The following CPLANE1 variants were observed in gnomAD, a reference collection of about 807,000 sequenced individuals.
CPLANE1 encodes the protein ciliogenesis and planar polarity effector 1.
In CPLANE1, 263 loss-of-function variants were observed where a neutral mutation model predicts 362.5. The ratio of observed to expected loss-of-function variants is 0.73; its 90% CI spans 0.66 to 0.80. The LOEUF (loss-of-function observed/expected upper bound fraction) is 0.80, where lower values mean the gene tolerates loss of function less well. Ranked by LOEUF, CPLANE1 falls within the 30% of genes least tolerant of loss-of-function variation. The probability of loss-of-function intolerance (pLI) is 0.00; values close to 1 mark genes in which losing one functional copy is unlikely to be tolerated. For missense variants in CPLANE1, 3,461 were observed against 3,793.4 expected, an observed-to-expected ratio of 0.91 and a Z score of 2.30; for synonymous variants, 1,212 against 1,302.6, an observed-to-expected ratio of 0.93 and a Z score of 1.50.
rs1770044163 is a variant in CPLANE1, at chr5:37,142,418, C to G, written c.8524G>C (p.Glu2842Gln). The change falls in exon 44 of 53, where the codon GAA (glutamate) becomes CAA (glutamine). Residue 2842 changes from glutamate to glutamine, a missense_variant. Glu to Gln is a conservative substitution (Grantham distance 29). Around this residue, in one of 2 missense-constraint regions of CPLANE1, gnomAD observed 3,380 missense variants for 3,666.1 expected, o/e 0.92. Transcript: ENST00000651892. ...GAATAATTTTCTGTTATTGAAAATT[C>G]AGGTTCTGAAGTCTCCTTTTTGTCA... ...QSDKKETSEPEFSITENYSGQ... is the reference protein window; with the variant it reads ...QSDKKETSEPQFSITENYSGQ... The G allele has an allele frequency of 6.2e-7, 1 of 1,609,998 alleles. No homozygotes were observed. The highest frequency in any genetic ancestry group is 1.3e-5 in the African/African-American group (1 of 74,604).
At chr5:37,179,008 G>A (rs1781984197) in intron 29 of CPLANE1, among the ~76,000 whole-genome samples, 2 of 152,086 alleles carry the variant, frequency 1.3e-5, no homozygotes, top group Admixed American at 6.6e-5. Context: ...CAATCCTCCC[G>A]CCTCAGCCTC....
chr5:37,116,379 C>T (rs1290345015), intron 50 of CPLANE1, among the ~76,000 whole-genome samples: 4 of 150,304 alleles, frequency 2.7e-5, no homozygotes, highest in African/African-American at 7.4e-5. Flanking sequence ...CCCGTTACTC[C>T]GAAGGCTGAG....
chr5:37,190,953 A>G (rs1785371306), intron 21 of CPLANE1, among the ~76,000 whole-genome samples: 1 of 152,214 alleles, frequency 6.6e-6, no homozygotes, highest in Non-Finnish European at 1.5e-5. Flanking sequence ...TATGCTTTTT[A>G]TCGTTATTTT....
chr5:37,140,355 A>G (rs1769298496), intron 44 of CPLANE1: 1 of 980,716 alleles, frequency 1.0e-6, no homozygotes, highest in Non-Finnish European at 1.2e-6. Flanking sequence ...ATATTGTTCT[A>G]TTTAATTTAT....
chr5:37,116,580 C>A (rs1233523464), intron 50 of CPLANE1, among the ~76,000 whole-genome samples: 1 of 148,634 alleles, frequency 6.7e-6, no homozygotes, highest in African/African-American at 2.5e-5. Flanking sequence ...GATCACGCCA[C>A]TGCACTCCCT....
chr5:37,128,969 G>T (rs1765018089), intron 46 of CPLANE1, among the ~76,000 whole-genome samples: 2 of 151,934 alleles, frequency 1.3e-5, no homozygotes, highest in Admixed American at 6.6e-5. Context: ...AAAGCAAAAA[G>T]AATAAATCTG....
chr5:37,174,970 G>A (rs1029751117), intron 31 of CPLANE1, among the ~76,000 whole-genome samples: 2 of 152,212 alleles, frequency 1.3e-5, no homozygotes, highest in Non-Finnish European at 2.9e-5. Flanking sequence ...GGTGACAAGG[G>A]AGTTAGTTGC....
chr5:37,101,806 A>G (rs1435585742), downstream of CPLANE1, among the ~76,000 whole-genome samples: 2 of 152,110 alleles, frequency 1.3e-5, no homozygotes, highest in Admixed American at 6.5e-5. Context: ...CAGGAATTCA[A>G]TTTCTTCCTG....
intron 44 of CPLANE1, chr5:37,140,543 G>A: frequency 1.0e-6 from 1 of 985,264 alleles, no homozygotes; most frequent in Non-Finnish European, 1.2e-6. Context: ...TTAATCCTAT[G>A]TACTTAGGAA....
chr5:37,187,087 A>AAAAAAAAAT (rs1784294729), intron 23 of CPLANE1, among the ~76,000 whole-genome samples: 1 of 144,300 alleles, frequency 6.9e-6, no homozygotes, highest in Non-Finnish European at 1.5e-5. Flanking sequence ...AAAAAAAAAA[A>AAAAAAAAAT]CTATAGTCAC....
intron 46 of CPLANE1, among the ~76,000 whole-genome samples, chr5:37,130,260 TAA>T (rs1175982062): frequency 6.6e-6 from 1 of 152,088 alleles, no homozygotes; most frequent in African/African-American, 2.4e-5. Context: ...GGGTGAGGAA[TAA>T]AGACTACAAA....
In CPLANE1 at chr5:37,173,738, TA is replaced by T; in HGVS notation, c.6171+16del. ...CACTATGTGTAGATTTACTTACTTA[TA>T]TAGAGATGTGCTTACCTGAACTAAT... On this transcript the variant is annotated intron_variant, in intron 32 of 52. Transcript: ENST00000651892. The T allele has an allele frequency of 6.2e-7, 1 of 1,602,928 alleles. No homozygotes were observed. Among genetic ancestry groups the T allele is most frequent in the Non-Finnish European group, 8.5e-7 (1 of 1,170,470 alleles).
At chr5:37,162,718 T>C in intron 37 of CPLANE1, 152 bp from the exon 38 acceptor site, 2 of 507,372 alleles carry the variant, frequency 3.9e-6, no homozygotes, top group South Asian at 2.8e-5. Context: ...CTGGCTCTGC[T>C]GCCCAGGCTG....
At chr5:37,158,677 T>C (rs1433816997) in intron 38 of CPLANE1, among the ~76,000 whole-genome samples, 2 of 152,194 alleles carry the variant, frequency 1.3e-5, no homozygotes, top group Non-Finnish European at 2.9e-5. Flanking sequence ...TTTAGGGAAG[T>C]TTCAACAAAA....
In CPLANE1 at chr5:37,172,301, A is replaced by C. The variant is rs558081941; in HGVS notation, c.6171+1454T>G. 1.4e-4 allele frequency among the ~76,000 whole-genome samples: 21 copies of C among 152,344 alleles called. No individual in the cohort carries two copies. In the South Asian group the frequency reaches 3.9e-3, roughly 29 times the overall value. ...AGAACAAAACTAAGAATCTAAGGTT[A>C]GCCACTGCTATAGAAATAGCAAGTG... On this transcript the variant is annotated intron_variant, in intron 32 of 52. Transcript: ENST00000651892.
At chr5:37,205,217 C>A in intron 18 of CPLANE1, 98 bp downstream of exon 18, 1 of 731,522 alleles carries the variant, frequency 1.4e-6, no homozygotes, top group Non-Finnish European at 2.0e-6. Flanking sequence ...AAGTTTATTT[C>A]AAAGTGTTAA....
intron 42 of CPLANE1, 89 bp from the exon 43 acceptor site, chr5:37,148,357 C>T: frequency 2.2e-6 from 2 of 896,716 alleles, no homozygotes; most frequent in Non-Finnish European, 3.3e-6. Context: ...TAAACACTTG[C>T]ATTAATGCAA....
At chr5:37,127,954 A>G (rs1339863696) in intron 46 of CPLANE1, among the ~76,000 whole-genome samples, 1 of 152,052 alleles carries the variant, frequency 6.6e-6, no homozygotes. Flanking sequence ...TGGGAGAATC[A>G]CTTAAGCCTG....
intron 42 of CPLANE1, among the ~76,000 whole-genome samples, chr5:37,152,473 T>A (rs1240972967): frequency 6.6e-6 from 1 of 152,168 alleles, no homozygotes; most frequent in African/African-American, 2.4e-5. Flanking sequence ...TTAATCCTTT[T>A]GATATAAATT....
Sources: allele counts gnomAD v4.1 joint callset (sites outside exome capture counted in the v4.1 genomes callset), GRCh38; gene constraint gnomAD v4.1.1; regional missense constraint gnomAD v4.1.1; transcripts MANE v1.5; gene names NCBI Gene and HGNC (gene_info 2026-07-23, HGNC 2026-07-21).